The following ESRRG variants were observed in gnomAD, a reference collection of about 807,000 sequenced individuals.
ESRRG encodes estrogen related receptor gamma.
In ESRRG, 13 loss-of-function variants were observed where a neutral mutation model predicts 44.0. That is an observed-to-expected ratio of 0.30 (90% CI 0.19 to 0.47). The LOEUF is 0.47. Among genes scored for constraint, ESRRG ranks in the 20% least tolerant of loss-of-function variants. The pLI, the probability that ESRRG is intolerant of heterozygous loss-of-function variation, is 1.00. For synonymous variants in ESRRG, 215 were observed against 214.6 expected (o/e 1.00, Z -0.02); for missense variants, 395 against 580.6 (o/e 0.68, Z 3.29).
intron 1 of ESRRG, among the ~76,000 whole-genome samples, chr1:217,121,031 A>T (rs1484003519): frequency 1.3e-5 from 2 of 152,204 alleles, no homozygotes; most frequent in Non-Finnish European, 2.9e-5. Flanking sequence ...TAAATGAAAC[A>T]GAGCAAGGAA....
chr1:216,530,003 T>G (rs1438879608), intron 5 of ESRRG, among the ~76,000 whole-genome samples: 1 of 149,938 alleles, frequency 6.7e-6, no homozygotes, highest in Non-Finnish European at 1.5e-5. Context: ...TCCCAGCTAC[T>G]CAGGAGGCTG....
upstream of ESRRG, among the ~76,000 whole-genome samples, chr1:217,090,844 T>G (rs1259478007): frequency 6.6e-6 from 1 of 152,218 alleles, no homozygotes; most frequent in East Asian, 1.9e-4. Context: ...TTGCTAATTA[T>G]GCACTGTATC....
chr1:216,996,360 G>C (rs2076378404), intron 1 of ESRRG, among the ~76,000 whole-genome samples: 1 of 151,916 alleles, frequency 6.6e-6, no homozygotes, highest in South Asian at 2.1e-4. Context: ...GAATGGAAAT[G>C]GGAAAAATGG....
intron 1 of ESRRG, among the ~76,000 whole-genome samples, chr1:216,681,289 A>G (rs2076984752): frequency 6.6e-6 from 1 of 152,106 alleles, no homozygotes; most frequent in Non-Finnish European, 1.5e-5. Context: ...ATGAGACACT[A>G]GGTTTTATTT....
At chr1:216,511,287 A>C (rs925263816) in intron 6 of ESRRG, among the ~76,000 whole-genome samples, 3 of 152,130 alleles carry the variant, frequency 2.0e-5, no homozygotes, top group Non-Finnish European at 1.5e-5. Flanking sequence ...TTAAATTTCC[A>C]TATGCCATAT....
intron 2 of ESRRG, among the ~76,000 whole-genome samples, chr1:216,756,814 A>G: frequency 6.6e-6 from 1 of 152,068 alleles, no homozygotes. Context: ...AAATGTGTAC[A>G]ACAATTCTCT....
At chr1:216,833,512 CT>C (rs1456388121) in intron 2 of ESRRG, among the ~76,000 whole-genome samples, 1 of 152,106 alleles carries the variant, frequency 6.6e-6, no homozygotes, top group Non-Finnish European at 1.5e-5. Context: ...TAGTTTGGTC[CT>C]TCTTCAAGAT....
upstream of ESRRG, among the ~76,000 whole-genome samples, chr1:217,090,166 G>C (rs11572388): frequency 1.7e-4 from 26 of 152,078 alleles, no homozygotes; most frequent in African/African-American, 5.3e-4. Context: ...TGCTCCTGCC[G>C]CCGCCGCAGC....
intron 1 of ESRRG, among the ~76,000 whole-genome samples, chr1:217,045,174 A>G (rs545791377): frequency 6.6e-6 from 1 of 152,324 alleles, no homozygotes; most frequent in South Asian, 2.1e-4. Flanking sequence ...AAAACTATCC[A>G]AGGCACTCTT....
At chr1:217,087,010 C>T (rs956771784) in intron 1 of ESRRG, among the ~76,000 whole-genome samples, 1 of 152,214 alleles carries the variant, frequency 6.6e-6, no homozygotes, top group East Asian at 1.9e-4. Flanking sequence ...CAATGACACA[C>T]TCATCCAAGG....
chr1:216,926,654 T>G (rs574652605), intron 2 of ESRRG, among the ~76,000 whole-genome samples: 3 of 152,208 alleles, frequency 2.0e-5, no homozygotes, highest in Non-Finnish European at 4.4e-5. Flanking sequence ...AGAGGGACAT[T>G]GCACTTGCAG....
intron 2 of ESRRG, among the ~76,000 whole-genome samples, chr1:216,742,376 T>G (rs557437717): frequency 6.6e-6 from 1 of 152,254 alleles, no homozygotes; most frequent in African/African-American, 2.4e-5. Context: ...GAAGAAAAAT[T>G]TGTGGTAAGT....
chr1:216,700,151 G>A (rs1213600304), intron 1 of ESRRG, among the ~76,000 whole-genome samples: 2 of 150,204 alleles, frequency 1.3e-5, no homozygotes, highest in African/African-American at 4.9e-5. Flanking sequence ...CACTAGCTTA[G>A]ATACCTCGCT....
At chr1:216,708,050 T>C (rs1480335730) in intron 1 of ESRRG, among the ~76,000 whole-genome samples, 2 of 152,180 alleles carry the variant, frequency 1.3e-5, no homozygotes, top group Non-Finnish European at 2.9e-5. Context: ...TTTTTTAAGA[T>C]AGCAACTGTG....
chr1:216,615,736 C>CT (rs60874199), intron 3 of ESRRG, among the ~76,000 whole-genome samples: 29,878 of 137,130 alleles, frequency 0.22, 3,504 homozygotes, highest in Middle Eastern at 0.26. Flanking sequence ...ATTTCTCTCT[C>CT]TTTTTTTTTT....
chr1:217,085,514 C>T (rs551484788), intron 1 of ESRRG, among the ~76,000 whole-genome samples: 4 of 85,300 alleles, frequency 4.7e-5, no homozygotes, highest in Admixed American at 2.0e-4. Context: ...TTTTTTTAGA[C>T]GAAGTCTCAC....
intron 1 of ESRRG, among the ~76,000 whole-genome samples, chr1:216,973,931 C>T (rs1328654650): frequency 2.0e-5 from 3 of 152,002 alleles, no homozygotes; most frequent in Non-Finnish European, 4.4e-5. Context: ...TAAGCGTATC[C>T]CTGGTTTTTA....
intron 2 of ESRRG, among the ~76,000 whole-genome samples, chr1:216,875,095 G>A (rs944861036): frequency 3.9e-5 from 6 of 152,224 alleles, no homozygotes; most frequent in Admixed American, 6.5e-5. Flanking sequence ...ACTTCACCTT[G>A]TGATCATGTG....
At chr1:217,132,897 T>C (rs2092985580) in intron 1 of ESRRG, among the ~76,000 whole-genome samples, 2 of 152,150 alleles carry the variant, frequency 1.3e-5, no homozygotes, top group East Asian at 1.9e-4. Flanking sequence ...ACTAACTGAT[T>C]TGGAAACAAA....
Sources: gnomAD v4.1 joint callset for allele counts (sites outside exome capture counted in the v4.1 genomes callset) on GRCh38, gnomAD v4.1.1 for gene constraint, MANE v1.5 for transcripts, NCBI Gene and HGNC (gene_info 2026-07-23, HGNC 2026-07-21) for gene names.